ST6GAL1: variants seen among roughly 807,000 people sequenced by gnomAD.
ST6GAL1 encodes ST6 beta-galactoside alpha-2,6-sialyltransferase 1.
Under a neutral mutation model 38.0 loss-of-function variants are expected in ST6GAL1, and 20 were observed. That is an observed-to-expected ratio of 0.53 (90% confidence interval 0.37 to 0.77). ST6GAL1 has a LOEUF of 0.77. Ranked by LOEUF, ST6GAL1 falls within the 30% of genes least tolerant of loss-of-function variation. ST6GAL1 has a pLI of 0.00. For synonymous variants in ST6GAL1, 196 were observed against 188.2 expected, an observed-to-expected ratio of 1.04 and a Z score of -0.34; for missense variants, 432 against 496.4, an observed-to-expected ratio of 0.87 and a Z score of 1.23.
chr3:186,991,014 C>G (rs1421086422), intron 2 of ST6GAL1, among the ~76,000 whole-genome samples: 4 of 152,100 alleles, frequency 2.6e-5, no homozygotes, highest in Non-Finnish European at 5.9e-5. Flanking sequence ...TGCCAGGCTT[C>G]TACCCTTTGT....
At chr3:187,043,756 A>C (rs2108581105) in intron 4 of ST6GAL1, 1 of 152,966 alleles carries the variant, frequency 6.5e-6, no homozygotes, top group South Asian at 2.1e-4. Flanking sequence ...TGCTACCAAT[A>C]ATCAAAAGCC....
At chr3:186,941,740 C>T (rs7612184) in intron 1 of ST6GAL1, among the ~76,000 whole-genome samples, 6,732 of 152,102 alleles carry the variant, frequency 0.044, 483 homozygotes, top group African/African-American at 0.15. Context: ...AGGCTGGGCA[C>T]GGTGGCTCAT....
At chr3:186,991,359 G>C (rs1198119565) in intron 2 of ST6GAL1, among the ~76,000 whole-genome samples, 1 of 152,154 alleles carries the variant, frequency 6.6e-6, no homozygotes, top group Non-Finnish European at 1.5e-5. Flanking sequence ...TGCCCTAATA[G>C]AGGAAACGGA....
intron 1 of ST6GAL1, among the ~76,000 whole-genome samples, chr3:186,933,350 C>A (rs1319967331): frequency 2.0e-5 from 3 of 152,178 alleles, no homozygotes; most frequent in Non-Finnish European, 4.4e-5. Flanking sequence ...CTGCTGAAAG[C>A]TGTTTTCAAC....
At chr3:186,937,657 G>A (rs548479712) in intron 1 of ST6GAL1, among the ~76,000 whole-genome samples, 33 of 152,300 alleles carry the variant, frequency 2.2e-4, no homozygotes, top group African/African-American at 6.5e-4. Flanking sequence ...GCAGGATGCC[G>A]TGCGACCTTG....
intron 2 of ST6GAL1, among the ~76,000 whole-genome samples, chr3:186,996,137 G>A (rs1716397736): frequency 6.6e-6 from 1 of 152,034 alleles, no homozygotes; most frequent in Non-Finnish European, 1.5e-5. Flanking sequence ...CTATTTGAAG[G>A]ACCAGTATAT....
intron 2 of ST6GAL1, among the ~76,000 whole-genome samples, chr3:187,034,110 C>A (rs1200700165): frequency 8.8e-6 from 1 of 114,160 alleles, no homozygotes; most frequent in Non-Finnish European, 1.7e-5. Flanking sequence ...TATGAAAGAT[C>A]TTTGGAGACT....
At chr3:187,007,687 C>A (rs1374029129) in intron 2 of ST6GAL1, among the ~76,000 whole-genome samples, 1 of 152,130 alleles carries the variant, frequency 6.6e-6, no homozygotes, top group Admixed American at 6.5e-5. Flanking sequence ...CTAAACAGTA[C>A]TCAAAGGAAA....
chr3:187,050,557 A>AGAGAGAGG (rs1579360379), intron 4 of ST6GAL1, among the ~76,000 whole-genome samples: 1 of 142,862 alleles, frequency 7.0e-6, no homozygotes, highest in Non-Finnish European at 1.5e-5. Flanking sequence ...AGAGAGAGAG[A>AGAGAGAGG]GAGGGAGGGA....
rs1294400755 is a variant in ST6GAL1, at chr3:187,076,279, G to C, written c.*476G>C. 6.0e-6 allele frequency: 1 copy of C among 167,352 alleles called. No individual in the cohort carries two copies. The highest frequency in any genetic ancestry group is 2.4e-5 in the African/African-American group (1 of 41,692). The allele number at this position is 167,352 out of a possible 1,614,324, so 10.4% of individuals were successfully genotyped here. On this transcript the variant is annotated 3_prime_UTR_variant, in exon 8 of 8. Transcript: ENST00000169298. The stretch of plus-strand genomic sequence containing the variant: ...GGTGGCTCTGGGGGGCAAGTAGGTG[G>C]TACAGGGGATTGGAAACATGCTCCG...
At chr3:187,052,023 C>T (rs1267237928) in intron 5 of ST6GAL1, among the ~76,000 whole-genome samples, 1 of 152,236 alleles carries the variant, frequency 6.6e-6, no homozygotes, top group Admixed American at 6.5e-5. Flanking sequence ...CCAACATTTG[C>T]CTTTTTCTGA....
intron 4 of ST6GAL1, among the ~76,000 whole-genome samples, chr3:187,045,509 T>C (rs931576823): frequency 1.9e-4 from 29 of 152,242 alleles, no homozygotes; most frequent in African/African-American, 7.0e-4. Context: ...GTGATGCTTA[T>C]TATGCATCTG....
intron 5 of ST6GAL1, among the ~76,000 whole-genome samples, chr3:187,070,508 T>TC (rs1719328328): frequency 7.3e-6 from 1 of 136,672 alleles, no homozygotes; most frequent in Non-Finnish European, 1.5e-5. Context: ...CACGGCAACC[T>TC]CCGCCTCCTG....
At chr3:186,991,453 G>C (rs992082218) in intron 2 of ST6GAL1, among the ~76,000 whole-genome samples, 2 of 152,122 alleles carry the variant, frequency 1.3e-5, no homozygotes, top group African/African-American at 2.4e-5. Flanking sequence ...TCACACTGGG[G>C]ATCAGGGAGG....
At chr3:187,057,238 T>C (rs554091549) in intron 5 of ST6GAL1, among the ~76,000 whole-genome samples, 1 of 152,320 alleles carries the variant, frequency 6.6e-6, no homozygotes, top group Non-Finnish European at 1.5e-5. Flanking sequence ...TTCCTTGCCA[T>C]GGGTTTGAAC....
chr3:187,029,177 A>G (rs1717653772), intron 2 of ST6GAL1, among the ~76,000 whole-genome samples: 1 of 151,836 alleles, frequency 6.6e-6, no homozygotes, highest in Non-Finnish European at 1.5e-5. Context: ...TAATGATGCT[A>G]AAAGACTGAT....
intron 1 of ST6GAL1, among the ~76,000 whole-genome samples, chr3:186,946,181 G>A (rs911186269): frequency 2.6e-5 from 4 of 151,550 alleles, no homozygotes; most frequent in African/African-American, 4.9e-5. Flanking sequence ...GCATGGTGGC[G>A]GGCGCCTGTA....
At chr3:186,951,631 C>T (rs917033338) in intron 1 of ST6GAL1, among the ~76,000 whole-genome samples, 3 of 152,074 alleles carry the variant, frequency 2.0e-5, no homozygotes, top group East Asian at 1.9e-4. Context: ...ATGACTGTTT[C>T]GCACCTTTTT....
chr3:186,934,191 A>G lies in ST6GAL1; in HGVS notation c.-325+3357A>G, dbSNP rs1713858077. 3.3e-5 allele frequency among the ~76,000 whole-genome samples: 5 copies of G among 152,190 alleles called. No homozygotes were observed. The South Asian group carries it at 1.0e-3, about 31-fold the overall frequency. On this transcript the variant is annotated intron_variant, in intron 1 of 7. Coordinates refer to ENST00000169298, the MANE Select transcript of ST6GAL1 (RefSeq NM_173216.2). ...TGTTCCAGCGGAGCGGAAGATGCTC[A>G]GGCCATAGGAGGGGTTTGGGGTCAT... is the stretch of plus-strand genomic sequence containing the variant.
Sources: gnomAD v4.1 joint callset for allele counts (sites outside exome capture counted in the v4.1 genomes callset) on GRCh38, gnomAD v4.1.1 for gene constraint, MANE v1.5 for transcripts, NCBI Gene and HGNC (gene_info 2026-07-23, HGNC 2026-07-21) for gene names.